Variants in ME1 observed in about 807,000 individuals in gnomAD.
ME1 encodes NADP-dependent malic enzyme.
Under a neutral mutation model 66.4 loss-of-function variants are expected in ME1, and 74 were observed. That is an observed-to-expected ratio of 1.11 (90% CI 0.92 to 1.35). The LOEUF (loss-of-function observed/expected upper bound fraction) is 1.35. Among genes scored for constraint, ME1 ranks in the 40% most tolerant of loss-of-function variants. The pLI is 0.00. For missense variants in ME1, 750 were observed against 694.1 expected (o/e 1.08, Z -0.90); for synonymous variants, 251 against 235.6 (o/e 1.07, Z -0.60).
At chr6:83,267,552 T>C (rs913194803) in intron 6 of ME1, among the ~76,000 whole-genome samples, 2 of 152,160 alleles carry the variant, frequency 1.3e-5, no homozygotes, top group African/African-American at 4.8e-5. Flanking sequence ...AATGTCTAAA[T>C]AAAACTATGT....
chr6:83,282,954 C>T (rs1331810582), intron 6 of ME1, among the ~76,000 whole-genome samples: 2 of 151,740 alleles, frequency 1.3e-5, no homozygotes, highest in Admixed American at 6.6e-5. Context: ...TTCGGCCGGG[C>T]GCGGTGGCTC....
In ME1 at chr6:83,223,914, C is replaced by T. The variant is rs1217537777; in HGVS notation, c.1295G>A (p.Ser432Asn). 1 of 1,613,730 alleles carries T rather than the reference C, an allele frequency of 6.2e-7. No individual in the cohort carries two copies. Among genetic ancestry groups the T allele is most frequent in the Non-Finnish European group, 8.5e-7 (1 of 1,179,864 alleles). Residue 432 changes from serine to asparagine, a missense_variant, in exon 12 of 14, where the codon AGT becomes AAT. Transcript: ENST00000369705. ...KITKGRAIFA[S>N]GSPFDPVTLP... ...AGTGACTGGATCAAAAGGACTGCCA[C>T]TGGCAAAAATTGCACGTCCCTACAA...
At chr6:83,320,351 A>C (rs1028028534) in intron 5 of ME1, among the ~76,000 whole-genome samples, 1 of 152,234 alleles carries the variant, frequency 6.6e-6, no homozygotes, top group Non-Finnish European at 1.5e-5. Flanking sequence ...GTAATTAGTA[A>C]TGGCACCCTC....
intron 5 of ME1, among the ~76,000 whole-genome samples, chr6:83,331,688 C>T (rs1199470610): frequency 2.0e-5 from 3 of 151,704 alleles, no homozygotes; most frequent in Non-Finnish European, 4.4e-5. Flanking sequence ...GTCAAGGACA[C>T]AAACCACAGA....
intron 6 of ME1, among the ~76,000 whole-genome samples, chr6:83,257,229 A>G (rs1766790544): frequency 6.6e-6 from 1 of 151,708 alleles, no homozygotes; most frequent in South Asian, 2.1e-4. Context: ...AAATTAAGAC[A>G]TCTTTAGATA....
intron 6 of ME1, among the ~76,000 whole-genome samples, chr6:83,310,085 A>G (rs1767902756): frequency 6.6e-6 from 1 of 152,178 alleles, no homozygotes; most frequent in South Asian, 2.1e-4. Context: ...AAGCTAATTA[A>G]TCAATACTTT....
chr6:83,352,477 T>C (rs1294225023), intron 3 of ME1, among the ~76,000 whole-genome samples: 1 of 152,200 alleles, frequency 6.6e-6, no homozygotes, highest in Non-Finnish European at 1.5e-5. Flanking sequence ...GAATCTGTCA[T>C]GATATAATAT....
chr6:83,318,864 T>C (rs1768092715), intron 5 of ME1, among the ~76,000 whole-genome samples: 2 of 107,544 alleles, frequency 1.9e-5, no homozygotes, highest in African/African-American at 3.4e-5. Flanking sequence ...GTATGTTTAT[T>C]GCGGCATTAT....
chr6:83,425,329 T>A (rs139065082), intron 1 of ME1, among the ~76,000 whole-genome samples: 1 of 152,268 alleles, frequency 6.6e-6, no homozygotes, highest in East Asian at 1.9e-4. Flanking sequence ...AACATTGGTA[T>A]GAATACTGTA....
chr6:83,288,886 T>C (rs1022182626), intron 6 of ME1, among the ~76,000 whole-genome samples: 1 of 152,206 alleles, frequency 6.6e-6, no homozygotes, highest in East Asian at 1.9e-4. Context: ...TTGTAAGTTG[T>C]ATTCCTAGGT....
chr6:83,246,134 A>G (rs914179725), intron 7 of ME1, among the ~76,000 whole-genome samples: 8 of 152,196 alleles, frequency 5.3e-5, no homozygotes, highest in African/African-American at 1.9e-4. Flanking sequence ...AAATTACAAC[A>G]TCAACAACAA....
intron 9 of ME1, among the ~76,000 whole-genome samples, chr6:83,232,394 A>G (rs764714473): frequency 3.9e-5 from 6 of 152,216 alleles, no homozygotes; most frequent in Admixed American, 3.3e-4. Flanking sequence ...AAGATAAATT[A>G]TGTGACAAAA....
intron 5 of ME1, among the ~76,000 whole-genome samples, chr6:83,330,775 T>A (rs995040531): frequency 6.6e-6 from 1 of 152,136 alleles, no homozygotes; most frequent in African/African-American, 2.4e-5. Flanking sequence ...ACTAGTGTAG[T>A]GTCTCAGGAA....
At chr6:83,343,867 A>G (rs1768635467) in intron 5 of ME1, among the ~76,000 whole-genome samples, 1 of 152,216 alleles carries the variant, frequency 6.6e-6, no homozygotes, top group Non-Finnish European at 1.5e-5. Flanking sequence ...TTCATATAAT[A>G]CAATCTCTCT....
At chr6:83,384,185 C>A (rs1438382993) in intron 3 of ME1, among the ~76,000 whole-genome samples, 2 of 151,816 alleles carry the variant, frequency 1.3e-5, no homozygotes, top group African/African-American at 4.8e-5. Flanking sequence ...TGGGTATATA[C>A]CCAATAATGG....
chr6:83,266,105 C>A (rs1766985243), intron 6 of ME1, among the ~76,000 whole-genome samples: 1 of 152,114 alleles, frequency 6.6e-6, no homozygotes, highest in African/African-American at 2.4e-5. Context: ...TAGCAGTTAT[C>A]ATTGTACAGC....
chr6:83,357,412 G>A (rs1415765354), intron 3 of ME1, among the ~76,000 whole-genome samples: 2 of 152,120 alleles, frequency 1.3e-5, no homozygotes, highest in Non-Finnish European at 2.9e-5. Flanking sequence ...TATTCAACAG[G>A]TTTTAATCTA....
chr6:83,296,904 A>T (rs1583363976), intron 6 of ME1, among the ~76,000 whole-genome samples: 1 of 152,312 alleles, frequency 6.6e-6, no homozygotes, highest in Non-Finnish European at 1.5e-5. Flanking sequence ...TTAAAGTGCT[A>T]AAAAATTGTA....
chr6:83,295,193 G>C (rs920677696), intron 6 of ME1, among the ~76,000 whole-genome samples: 2 of 152,148 alleles, frequency 1.3e-5, no homozygotes, highest in African/African-American at 4.8e-5. Flanking sequence ...CCAAAGACAA[G>C]AAGACAGCTA....
Sources: allele counts gnomAD v4.1 joint callset (sites outside exome capture counted in the v4.1 genomes callset), GRCh38; gene constraint gnomAD v4.1.1; transcripts MANE v1.5; gene names NCBI Gene and HGNC (gene_info 2026-07-23, HGNC 2026-07-21).